ATRN: variants seen among roughly 807,000 people sequenced by gnomAD.
The protein encoded by ATRN is attractin, also known as attractin-2.
ATRN carries 54 observed loss-of-function variants against 178.7 expected under a neutral mutation model. The ratio of observed to expected loss-of-function variants is 0.30; its 90% CI spans 0.24 to 0.38. The LOEUF is 0.38. Among genes scored for constraint, ATRN ranks in the 10% least tolerant of loss-of-function variants. The pLI is 1.00. For missense variants in ATRN, 1,443 were observed against 1,815.1 expected, an observed-to-expected ratio of 0.79 and a Z score of 3.73; for synonymous variants, 636 against 663.0, an observed-to-expected ratio of 0.96 and a Z score of 0.63.
Position 3,608,026 on chromosome 20 carries a change from ATC to A in ATRN, c.3801+3768_3801+3769del, listed in dbSNP as rs565180859. 1.4e-4 allele frequency among the ~76,000 whole-genome samples: 21 copies of A among 152,162 alleles called. 1 individual carries two copies. The South Asian group carries it at 4.4e-3, about 32-fold the overall frequency. ...CCATTTGTATGTCTTCTTTGGACAAATCTCTATTCAGATCATTTGCCCATTTT... is the reference window on the plus strand; with the variant it reads ...CCATTTGTATGTCTTCTTTGGACAAATCTATTCAGATCATTTGCCCATTTT... On this transcript the variant is annotated intron_variant, in intron 24 of 28. Transcript: ENST00000262919.
rs76978926 is a variant in ATRN, at chr20:3,644,015, T to C, written c.4051-139T>C. On this transcript the variant is annotated intron_variant, in intron 27 of 28. Transcript: ENST00000262919. ...TACTGTTAGCTCTCTCCTGCCCTTTTTCATTATCTTAAAAACTGCAATGTA... is the reference window on the plus strand; with the variant it reads ...TACTGTTAGCTCTCTCCTGCCCTTTCTCATTATCTTAAAAACTGCAATGTA... 4.8e-3 allele frequency: 3,034 copies of C among 633,688 alleles called. 70 individuals are homozygous for C. The African/African-American group carries it at 0.048, about 10-fold the overall frequency. 39.3% of individuals were successfully genotyped at this position (633,688 alleles called of 1,614,324 possible).
intron 1 of ATRN, among the ~76,000 whole-genome samples, chr20:3,483,169 A>G (rs1173361413): frequency 6.6e-6 from 1 of 152,124 alleles, no homozygotes; most frequent in African/African-American, 2.4e-5. Context: ...ATTCCCAAAA[A>G]CATGTAGCAT....
At chr20:3,589,363 G>A (rs185956973) in intron 18 of ATRN, among the ~76,000 whole-genome samples, 5 of 151,242 alleles carry the variant, frequency 3.3e-5, no homozygotes, top group African/African-American at 7.3e-5. Flanking sequence ...ACCTGTTAAC[G>A]ATTTTTTTTT....
chr20:3,550,610 G>A (rs1442976955), intron 6 of ATRN, among the ~76,000 whole-genome samples: 1 of 152,170 alleles, frequency 6.6e-6, no homozygotes, highest in African/African-American at 2.4e-5. Flanking sequence ...GAAAACAAAT[G>A]CTTTCCTGAA....
In ATRN at chr20:3,549,216, T is replaced by G; in HGVS notation, c.990T>G (p.Thr330=). 1 of 1,610,918 alleles carries G rather than the reference T, an allele frequency of 6.2e-7. No homozygotes were observed. Among genetic ancestry groups the G allele is most frequent in the Non-Finnish European group, 8.5e-7 (1 of 1,178,966 alleles). ...VPVPANQSFW[T]REEYSNLKLP... is the part of the protein sequence containing the mutation. ...TACCAGCTAACCAGTCATTTTGGAC[T>G]CGAGAGGAATATTCTAACTTAAAGC... The change falls in exon 6 of 29, where the codon ACT becomes ACG. Residue 330 remains threonine (T), a synonymous_variant. Transcript: ENST00000262919.
intron 1 of ATRN, among the ~76,000 whole-genome samples, chr20:3,516,842 T>C (rs1457058464): frequency 1.3e-5 from 2 of 152,118 alleles, no homozygotes; most frequent in East Asian, 3.8e-4. Context: ...CTGTGTAGCA[T>C]TCCATGGTGT....
intron 13 of ATRN, 132 bp from the exon 14 acceptor site, chr20:3,576,727 A>ATCTATCTATCTG: frequency 4.1e-6 from 3 of 726,804 alleles, no homozygotes; most frequent in Non-Finnish European, 4.6e-6. Context: ...CTATCTATCT[A>ATCTATCTATCTG]TCTATCTGTC....
intron 19 of ATRN, among the ~76,000 whole-genome samples, chr20:3,593,680 T>G (rs759372592): frequency 2.6e-5 from 4 of 152,200 alleles, no homozygotes; most frequent in Non-Finnish European, 5.9e-5. Context: ...CTATTCTGTT[T>G]TATAGTTTTC....
At chr20:3,630,892 C>T (rs150032106) in intron 25 of ATRN, among the ~76,000 whole-genome samples, 54 of 126,524 alleles carry the variant, frequency 4.3e-4, no homozygotes, top group African/African-American at 1.5e-3. Context: ...GACAAGTTAA[C>T]CATGTCTAAA....
chr20:3,575,199 T>G (rs1026173749), intron 12 of ATRN, among the ~76,000 whole-genome samples: 2 of 152,190 alleles, frequency 1.3e-5, no homozygotes, highest in African/African-American at 4.8e-5. Flanking sequence ...CCTGACCTTG[T>G]GATCCGCCCG....
chr20:3,576,159 A>G (rs2146248244), intron 13 of ATRN, among the ~76,000 whole-genome samples: 1 of 152,286 alleles, frequency 6.6e-6, no homozygotes, highest in East Asian at 1.9e-4. Context: ...ATTGTGTTTT[A>G]GAAGAAGGTA....
chr20:3,600,286 C>G (rs2086590677), intron 22 of ATRN, among the ~76,000 whole-genome samples: 1 of 152,134 alleles, frequency 6.6e-6, no homozygotes, highest in African/African-American at 2.4e-5. Flanking sequence ...CTGTGAACTG[C>G]TATATCTCTA....
chr20:3,520,429 A>G (rs2085276948), intron 1 of ATRN, among the ~76,000 whole-genome samples: 1 of 152,228 alleles, frequency 6.6e-6, no homozygotes, highest in Admixed American at 6.5e-5. Flanking sequence ...GAAGATAACC[A>G]TTGATAAGAT....
intron 6 of ATRN, 94 bp from the exon 7 acceptor site, chr20:3,559,299 T>C: frequency 1.0e-6 from 1 of 963,534 alleles, no homozygotes; most frequent in South Asian, 1.4e-5. Context: ...GTGGATTTAG[T>C]GAGCATCTCC....
chr20:3,621,070 C>G (rs2086893545), intron 24 of ATRN, among the ~76,000 whole-genome samples: 1 of 152,016 alleles, frequency 6.6e-6, no homozygotes, highest in African/African-American at 2.4e-5. Context: ...CCAGTGTGGC[C>G]TAGGGAAGCC....
At chr20:3,488,952 G>T (rs1446196330) in intron 1 of ATRN, among the ~76,000 whole-genome samples, 1 of 151,454 alleles carries the variant, frequency 6.6e-6, no homozygotes, top group Non-Finnish European at 1.5e-5. Context: ...TTTGATGTTT[G>T]TTTGTTTGTT....
intron 1 of ATRN, among the ~76,000 whole-genome samples, chr20:3,493,107 T>G (rs992124290): frequency 5.7e-5 from 7 of 122,190 alleles, no homozygotes; most frequent in African/African-American, 9.3e-5. Flanking sequence ...TATATACATA[T>G]GTAGGTACGT....
At chr20:3,633,786 T>G (rs1205205449) in intron 25 of ATRN, among the ~76,000 whole-genome samples, 3 of 152,208 alleles carry the variant, frequency 2.0e-5, no homozygotes, top group African/African-American at 7.2e-5. Context: ...TGGCTTGGGT[T>G]TGATCATTTC....
At chr20:3,517,233 G>A (rs1364569431) in intron 1 of ATRN, among the ~76,000 whole-genome samples, 1 of 152,048 alleles carries the variant, frequency 6.6e-6, no homozygotes, top group Non-Finnish European at 1.5e-5. Flanking sequence ...AAGATTAATA[G>A]CACGAGAAAA....
Sources: gnomAD v4.1 joint callset for allele counts (sites outside exome capture counted in the v4.1 genomes callset) on GRCh38, gnomAD v4.1.1 for gene constraint, MANE v1.5 for transcripts, NCBI Gene and HGNC (gene_info 2026-07-23, HGNC 2026-07-21) for gene names.